SDC2: variants seen among roughly 807,000 people sequenced by gnomAD.
SDC2 encodes syndecan 2.
In SDC2, 13 loss-of-function variants were observed where a neutral mutation model predicts 22.2. The observed-to-expected ratio is 0.59, with a 90% confidence interval of 0.38 to 0.93. The LOEUF (loss-of-function observed/expected upper bound fraction) is 0.93. Ranked by LOEUF, SDC2 falls within the 40% of genes least tolerant of loss-of-function variation. SDC2 has a pLI of 0.00. For synonymous variants in SDC2, 94 were observed against 92.8 expected (o/e 1.01, Z -0.07); for missense variants, 235 against 246.8 (o/e 0.95, Z 0.32).
chr8:96,584,521 T>C (rs1020718223), intron 1 of SDC2, among the ~76,000 whole-genome samples: 1 of 152,184 alleles, frequency 6.6e-6, no homozygotes, highest in Non-Finnish European at 1.5e-5. Context: ...CGAAATAAAT[T>C]CCAAATATTT....
intron 1 of SDC2, among the ~76,000 whole-genome samples, chr8:96,544,671 G>C (rs998305995): frequency 6.6e-6 from 1 of 151,914 alleles, no homozygotes; most frequent in Admixed American, 6.6e-5. Flanking sequence ...CATTCATCTT[G>C]GTGTCCCCAC....
At chr8:96,561,381 A>C (rs2582845) in intron 1 of SDC2, among the ~76,000 whole-genome samples, 4 of 152,156 alleles carry the variant, frequency 2.6e-5, no homozygotes, top group African/African-American at 9.7e-5. Flanking sequence ...AGCTGAGGGG[A>C]GGAAGAACAG....
chr8:96,547,735 A>ATTT (rs201612267), intron 1 of SDC2, among the ~76,000 whole-genome samples: 1 of 145,192 alleles, frequency 6.9e-6, no homozygotes, highest in East Asian at 2.0e-4. Flanking sequence ...TCCTTGTTTG[A>ATTT]TTTTTTTTTT....
At chr8:96,608,612 G>A in intron 4 of SDC2, 142 bp downstream of exon 4, 1 of 695,184 alleles carries the variant, frequency 1.4e-6, no homozygotes, top group Non-Finnish European at 2.3e-6. Flanking sequence ...AGAGCGAGAA[G>A]CAAGAGGCTC....
chr8:96,559,294 A>G (rs1388218154), intron 1 of SDC2, among the ~76,000 whole-genome samples: 4 of 152,136 alleles, frequency 2.6e-5, no homozygotes, highest in African/African-American at 9.7e-5. Context: ...AGGAGAAAGG[A>G]AGGAATTGCT....
At chr8:96,531,553 A>G (rs1813661818) in intron 1 of SDC2, among the ~76,000 whole-genome samples, 1 of 152,226 alleles carries the variant, frequency 6.6e-6, no homozygotes, top group Non-Finnish European at 1.5e-5. Context: ...CAGGCTATGA[A>G]ACTTGTATGC....
At chr8:96,582,035 C>T (rs570279101) in intron 1 of SDC2, among the ~76,000 whole-genome samples, 12 of 152,364 alleles carry the variant, frequency 7.9e-5, no homozygotes, top group African/African-American at 2.9e-4. Context: ...GCTAATGCTT[C>T]TGCCCCAACT....
chr8:96,598,212 C>G (rs1043598677), intron 2 of SDC2, among the ~76,000 whole-genome samples: 1 of 152,176 alleles, frequency 6.6e-6, no homozygotes, highest in Non-Finnish European at 1.5e-5. Flanking sequence ...CCCCCATGAC[C>G]TGCTCATCTC....
At chr8:96,556,904 C>A (rs1210944370) in intron 1 of SDC2, among the ~76,000 whole-genome samples, 2 of 150,642 alleles carry the variant, frequency 1.3e-5, no homozygotes, top group African/African-American at 2.4e-5. Flanking sequence ...CCAGAATCTA[C>A]AATGAACTCA....
At chr8:96,505,527 C>G (rs1813226102) in intron 1 of SDC2, among the ~76,000 whole-genome samples, 1 of 152,124 alleles carries the variant, frequency 6.6e-6, no homozygotes, top group Admixed American at 6.6e-5. Flanking sequence ...GTCTCAATCT[C>G]CTGACCTCGT....
intron 1 of SDC2, among the ~76,000 whole-genome samples, chr8:96,557,576 GA>G (rs1291529220): frequency 3.9e-4 from 58 of 149,302 alleles, no homozygotes; most frequent in African/African-American, 1.3e-3. Flanking sequence ...ACTGAACAAT[GA>G]GATCACATGG....
chr8:96,605,232 T>A (rs890443880), intron 3 of SDC2, among the ~76,000 whole-genome samples: 1 of 152,236 alleles, frequency 6.6e-6, no homozygotes, highest in East Asian at 1.9e-4. Flanking sequence ...CATATTACAG[T>A]AACTACTTAG....
intron 1 of SDC2, among the ~76,000 whole-genome samples, chr8:96,495,116 C>T (rs1251893535): frequency 6.6e-6 from 1 of 152,142 alleles, no homozygotes; most frequent in Non-Finnish European, 1.5e-5. Context: ...ACGGGAGTGC[C>T]GCAAGCAGGG....
chr8:96,561,711 G>A (rs571206318), intron 1 of SDC2, among the ~76,000 whole-genome samples: 2 of 152,294 alleles, frequency 1.3e-5, no homozygotes, highest in South Asian at 4.1e-4. Flanking sequence ...AATTTGAGAT[G>A]TATTATTGTG....
chr8:96,556,051 CACACAT>C (rs1041196413), intron 1 of SDC2, among the ~76,000 whole-genome samples: 6 of 136,842 alleles, frequency 4.4e-5, no homozygotes, highest in East Asian at 4.5e-4. Flanking sequence ...CACACACACA[CACACAT>C]ACACACACAC....
intron 1 of SDC2, among the ~76,000 whole-genome samples, chr8:96,494,617 C>T (rs1313206422): frequency 1.3e-5 from 2 of 152,072 alleles, no homozygotes; most frequent in African/African-American, 4.8e-5. Context: ...AACTTCTTCG[C>T]CCTCGGCGGG....
chr8:96,570,591 T>C (rs942840016), intron 1 of SDC2, among the ~76,000 whole-genome samples: 1 of 152,188 alleles, frequency 6.6e-6, no homozygotes, highest in Non-Finnish European at 1.5e-5. Flanking sequence ...AAGAGACCTG[T>C]GCATTCCACT....
intron 1 of SDC2, among the ~76,000 whole-genome samples, chr8:96,517,384 A>G (rs894205120): frequency 2.0e-5 from 3 of 152,166 alleles, no homozygotes; most frequent in African/African-American, 7.2e-5. Flanking sequence ...TGTTTTTGGT[A>G]TCATATATAA....
intron 1 of SDC2, among the ~76,000 whole-genome samples, chr8:96,499,487 G>A (rs1211771324): frequency 6.6e-6 from 1 of 152,218 alleles, no homozygotes; most frequent in Admixed American, 6.5e-5. Flanking sequence ...GTTACTACTA[G>A]AGTTTTCAGC....
Sources: gnomAD v4.1 joint callset for allele counts (sites outside exome capture counted in the v4.1 genomes callset) on GRCh38, gnomAD v4.1.1 for gene constraint, MANE v1.5 for transcripts, NCBI Gene and HGNC (gene_info 2026-07-23, HGNC 2026-07-21) for gene names.